Variants in ZC4H2 observed in about 807,000 individuals in gnomAD.
ZC4H2 encodes the protein zinc finger C4H2 domain-containing protein.
For missense variants in ZC4H2, 137 were observed against 173.9 expected (o/e 0.79, Z 1.19); for synonymous variants, 84 against 66.3 (o/e 1.27, Z -1.30).
intron 1 of ZC4H2, among the ~76,000 whole-genome samples, chrX:64,964,373 T>G (rs888597293): frequency 8.1e-5 from 9 of 111,076 alleles, no homozygotes; most frequent in African/African-American, 2.9e-4. Context: ...TTCATCAAGC[T>G]CCAAGCATAA....
intron 1 of ZC4H2, among the ~76,000 whole-genome samples, chrX:64,947,336 T>C (rs991136798): frequency 4.5e-5 from 5 of 111,881 alleles, no homozygotes; most frequent in Admixed American, 1.9e-4. Flanking sequence ...GTTCTATAAA[T>C]GTCAATGAGA....
chrX:65,013,474 C>T (rs961662159), intron 1 of ZC4H2, among the ~76,000 whole-genome samples: 1 of 111,411 alleles, frequency 9.0e-6, no homozygotes, highest in Non-Finnish European at 1.9e-5. Context: ...TTTGCAACTT[C>T]CCTCTTGCTA....
chrX:64,942,431 T>C (rs1031822864), intron 1 of ZC4H2, among the ~76,000 whole-genome samples: 18 of 110,364 alleles, frequency 1.6e-4, no homozygotes, highest in African/African-American at 5.6e-4. Context: ...GCTGCACCCA[T>C]CAACCTGTCA....
intron 1 of ZC4H2, among the ~76,000 whole-genome samples, chrX:65,021,876 C>T (rs1932839308): frequency 9.0e-6 from 1 of 111,571 alleles, no homozygotes; most frequent in African/African-American, 3.3e-5. Flanking sequence ...TACTAACTAC[C>T]ATCAGAGAAT....
At chrX:64,929,262 G>T (rs1286197928) in intron 1 of ZC4H2, among the ~76,000 whole-genome samples, 1 of 110,965 alleles carries the variant, frequency 9.0e-6, no homozygotes, top group Non-Finnish European at 1.9e-5. Context: ...TGTAGATTCT[G>T]GGTATTAGTC....
At chrX:64,930,767 T>C (rs895577736) in intron 1 of ZC4H2, among the ~76,000 whole-genome samples, 5 of 111,869 alleles carry the variant, frequency 4.5e-5, no homozygotes, top group Non-Finnish European at 9.4e-5. Flanking sequence ...TTTGGGTAGC[T>C]AGTATTTTGC....
intron 1 of ZC4H2, among the ~76,000 whole-genome samples, chrX:64,952,857 T>C (rs1220071131): frequency 2.7e-5 from 3 of 111,279 alleles, no homozygotes; most frequent in Non-Finnish European, 5.6e-5. Context: ...AGAGCCCTCA[T>C]TGCCAAGTCA....
chrX:65,015,888 G>T (rs1932794153), intron 1 of ZC4H2, among the ~76,000 whole-genome samples: 1 of 110,500 alleles, frequency 9.0e-6, no homozygotes, highest in Non-Finnish European at 1.9e-5. Context: ...CTCCCTCCAA[G>T]ATTGCTCCCA....
intron 1 of ZC4H2, among the ~76,000 whole-genome samples, chrX:64,944,991 A>C (rs912374361): frequency 8.9e-6 from 1 of 112,323 alleles, no homozygotes; most frequent in Non-Finnish European, 1.9e-5. Flanking sequence ...ACTTTTATAA[A>C]ATTTCTTAGC....
intron 1 of ZC4H2, among the ~76,000 whole-genome samples, chrX:65,011,060 C>CA (rs1932751233): frequency 9.0e-6 from 1 of 111,168 alleles, no homozygotes; most frequent in Non-Finnish European, 1.9e-5. Flanking sequence ...AGCTGAGAAA[C>CA]AGAATAAACA....
intron 1 of ZC4H2, among the ~76,000 whole-genome samples, chrX:64,934,714 C>T (rs1434173874): frequency 5.4e-5 from 6 of 111,842 alleles, no homozygotes; most frequent in African/African-American, 1.3e-4. Flanking sequence ...GGTGGGGCAT[C>T]GCCTCAACTG....
At chrX:65,018,267 C>T (rs187778639) in intron 1 of ZC4H2, among the ~76,000 whole-genome samples, 211 of 112,549 alleles carry the variant, frequency 1.9e-3, no homozygotes, top group African/African-American at 6.5e-3. Context: ...CAGCTCTGGT[C>T]TGCAGCTCCC....
At chrX:64,924,172 A>G (rs1271282365) in intron 1 of ZC4H2, among the ~76,000 whole-genome samples, 2 of 111,610 alleles carry the variant, frequency 1.8e-5, no homozygotes, top group African/African-American at 3.3e-5. Flanking sequence ...CTGGGCCAAG[A>G]ACCTATTTCT....
rs750909740 is a variant in ZC4H2 at position 64,976,403 on chromosome X, C to G, written c.-26G>C. 6.7e-6 allele frequency: 8 copies of G among 1,200,725 alleles called. No individual in the cohort carries two copies. The highest frequency in any genetic ancestry group is 7.9e-6 in the Non-Finnish European group (7 of 886,788). ...ACTTTTCACTGTCAATTTCACGTCCCGAGAGATGTACAAATACACCAGCCA... is the reference window on the plus strand; with the variant it reads ...ACTTTTCACTGTCAATTTCACGTCCGGAGAGATGTACAAATACACCAGCCA... On this transcript the variant is annotated 5_prime_UTR_variant, in exon 1 of 5. Coordinates refer to ENST00000374839, the MANE Select transcript of ZC4H2 (RefSeq NM_018684.4).
intron 1 of ZC4H2, among the ~76,000 whole-genome samples, chrX:65,032,093 G>C (rs1932939780): frequency 9.0e-6 from 1 of 111,603 alleles, no homozygotes; most frequent in African/African-American, 3.3e-5. Context: ...AGTAAAGGCA[G>C]ATGCACTGAT....
rs188940707 is a variant in ZC4H2 at position 64,968,010 on chromosome X, G to T, written c.53+8315C>A. 5.4e-5 allele frequency among the ~76,000 whole-genome samples: 6 copies of T among 111,745 alleles called. No homozygotes were observed. The Admixed American group carries it at 5.7e-4, about 11-fold the overall frequency. On this transcript the variant is annotated intron_variant, in intron 1 of 4. Transcript: ENST00000374839. Reference sequence around the variant, plus strand: ...GCATCAGTAGCCTCAGAGAAGAAAAGACATTACCATGGGTGGCAAGGATTT... The same window carrying T: ...GCATCAGTAGCCTCAGAGAAGAAAATACATTACCATGGGTGGCAAGGATTT...
intron 1 of ZC4H2, among the ~76,000 whole-genome samples, chrX:64,990,754 T>G (rs1932294008): frequency 9.0e-6 from 1 of 111,423 alleles, no homozygotes; most frequent in African/African-American, 3.3e-5. Flanking sequence ...CTCAGTGAAT[T>G]AATGCTGTAC....
chrX:64,959,973 C>A (rs909340697), intron 1 of ZC4H2, among the ~76,000 whole-genome samples: 1 of 110,798 alleles, frequency 9.0e-6, no homozygotes, highest in African/African-American at 3.3e-5. Flanking sequence ...TAACAGGGAC[C>A]TGATTTACCC....
chrX:65,023,963 G>A (rs1451925351), intron 1 of ZC4H2, among the ~76,000 whole-genome samples: 3 of 111,336 alleles, frequency 2.7e-5, no homozygotes, highest in East Asian at 2.8e-4. Context: ...GCAGGGACAC[G>A]GATGAATTTG....
Sources: allele counts gnomAD v4.1 joint callset (sites outside exome capture counted in the v4.1 genomes callset), GRCh38; gene constraint gnomAD v4.1.1; transcripts MANE v1.5; gene names NCBI Gene and HGNC (gene_info 2026-07-23, HGNC 2026-07-21).